VWDE: variants seen among roughly 807,000 people sequenced by gnomAD.
The protein encoded by VWDE is von Willebrand factor D and EGF domains, also known as von Willebrand factor D and EGF domain-containing protein.
A neutral mutation model predicts 178.4 loss-of-function variants in VWDE; 207 were observed. The observed-to-expected ratio is 1.16, with a 90% CI of 1.04 to 1.30. The LOEUF is 1.30. Ranked by LOEUF, VWDE falls within the 50% of genes most tolerant of loss-of-function variation. The probability of loss-of-function intolerance (pLI) is 0.00; values close to 1 mark genes in which losing one functional copy is unlikely to be tolerated. For missense variants in VWDE, 2,287 were observed against 1,901.3 expected (o/e 1.20, Z -3.77); for synonymous variants, 738 against 651.4 (o/e 1.13, Z -2.02).
chr7:12,376,249 T>A (rs1171556978), intron 7 of VWDE, among the ~76,000 whole-genome samples: 1 of 152,026 alleles, frequency 6.6e-6, no homozygotes, highest in Non-Finnish European at 1.5e-5. Context: ...GAGGGGTTGT[T>A]CTCTTTAAGC....
At chr7:12,385,729 A>T (rs747272149) in intron 3 of VWDE, among the ~76,000 whole-genome samples, 1 of 152,230 alleles carries the variant, frequency 6.6e-6, no homozygotes. Flanking sequence ...TCTAAACGGT[A>T]TTCCAAGGCA....
intron 2 of VWDE, among the ~76,000 whole-genome samples, chr7:12,389,849 A>C (rs567764504): frequency 6.6e-6 from 1 of 152,286 alleles, no homozygotes; most frequent in South Asian, 2.1e-4. Context: ...GTGATGGAAA[A>C]ATTGTTTAGT....
At position 12,380,599 on chromosome 7, in the gene VWDE, C is replaced by G. The variant is rs1783797549; in HGVS notation, c.676G>C (p.Ala226Pro). 8 of 1,552,304 alleles carry G rather than the reference C, an allele frequency of 5.2e-6. No individual in the cohort carries two copies. The highest frequency in any genetic ancestry group is 7.0e-6 in the Non-Finnish European group (8 of 1,147,136). Residue 226 changes from alanine to proline, a missense_variant, in exon 5 of 29, where the codon GCT becomes CCT. Ala to Pro is a conservative substitution (Grantham distance 27, BLOSUM62 -1). Transcript: ENST00000275358. ...TCTTGAGAAGAAAGCCTAGACCAAG[C>G]TATGTGAAATCCCACTGAGTTTTTT... is the stretch of plus-strand genomic sequence containing the variant. ...ATKNSVGFHI[A>P]WSRLSSQEVK...
chr7:12,383,412 C>G (rs1013688031), intron 4 of VWDE, 124 bp downstream of exon 4: 3 of 765,232 alleles, frequency 3.9e-6, no homozygotes, highest in Non-Finnish European at 6.3e-6. Context: ...TTTTTGATAG[C>G]TACCAGACTT....
At chr7:12,363,909 A>G (rs1782715044) in intron 13 of VWDE, among the ~76,000 whole-genome samples, 1 of 152,100 alleles carries the variant, frequency 6.6e-6, no homozygotes, top group Non-Finnish European at 1.5e-5. Context: ...AGAGTGGAAA[A>G]TAGTTAATCT....
In VWDE at chr7:12,367,467, C is replaced by A; in HGVS notation, c.2788G>T (p.Gly930Trp). ...TGAACATCACAGAATCCAGCATTCC[C>A]AAGCTCTGTAATTTCAGGAGCTTTG... is the stretch of plus-strand genomic sequence containing the variant. ...YDKAPEITEL[G>W]NAGFCDVQKY... Residue 930 changes from glycine (G) to tryptophan (W), a missense_variant, in exon 13 of 29, where the codon GGG becomes TGG. Coordinates refer to ENST00000275358, the MANE Select transcript of VWDE (RefSeq NM_001135924.3). 1 of 1,529,482 alleles carries A rather than the reference C, an allele frequency of 6.5e-7. No homozygotes were observed. The highest frequency in any genetic ancestry group is 1.3e-5 in the South Asian group (1 of 79,662). The allele number at this position is 1,529,482 out of a possible 1,614,324, so 94.7% of individuals were successfully genotyped here. A position where few individuals can be genotyped will look rare whatever the true frequency, so the allele number is the denominator to read the frequency against.
intron 2 of VWDE, among the ~76,000 whole-genome samples, chr7:12,391,712 ACT>A (rs1486221365): frequency 2.0e-5 from 3 of 152,192 alleles, no homozygotes; most frequent in Admixed American, 6.5e-5. Context: ...AAAATTAAAC[ACT>A]GTTAAAATTT....
intron 19 of VWDE, among the ~76,000 whole-genome samples, chr7:12,345,402 G>A (rs938505138): frequency 1.3e-5 from 2 of 151,950 alleles, no homozygotes; most frequent in African/African-American, 2.4e-5. Context: ...CTCTGCAATT[G>A]ATACCATCTC....
chr7:12,371,296 G>A (rs1783185036), intron 10 of VWDE, among the ~76,000 whole-genome samples: 1 of 152,126 alleles, frequency 6.6e-6, no homozygotes, highest in African/African-American at 2.4e-5. Flanking sequence ...CAGCTAATTA[G>A]CATTCTCTAG....
chr7:12,356,229 G>C lies in VWDE; in HGVS notation c.3627C>G (p.Gly1209=). ...CCACTTCACAAAGGCTGCCATGGAA[G>C]CCAGGCAAGCAGACACACAGGTACA... The part of the protein sequence containing the change: ...SGVYLCVCLP[G]FHGSLCEVDI... The change falls in exon 18 of 29, where the codon GGC becomes GGG. Residue 1209 remains glycine (G), a synonymous_variant. Transcript: ENST00000275358. 2.6e-6 allele frequency: 4 copies of C among 1,551,508 alleles called. No individual in the cohort carries two copies. The highest frequency in any genetic ancestry group is 3.5e-6 in the Non-Finnish European group (4 of 1,146,950).
At chr7:12,385,509 G>C (rs1295406582) in intron 3 of VWDE, among the ~76,000 whole-genome samples, 1 of 152,162 alleles carries the variant, frequency 6.6e-6, no homozygotes. Flanking sequence ...TCTAAATGCA[G>C]ATAAAGAGGC....
At chr7:12,376,653 C>T (rs1040861669) in intron 7 of VWDE, among the ~76,000 whole-genome samples, 4 of 152,062 alleles carry the variant, frequency 2.6e-5, no homozygotes, top group African/African-American at 7.2e-5. Flanking sequence ...TTGCATAATA[C>T]ACTTTTCAGA....
In VWDE at chr7:12,340,269, T is replaced by C. The variant is rs1367439434; in HGVS notation, c.4366+53A>G. On this transcript the variant is annotated intron_variant, in intron 24 of 28. Coordinates refer to ENST00000275358, the MANE Select transcript of VWDE (RefSeq NM_001135924.3). The stretch of plus-strand genomic sequence containing the variant: ...TGTCTCATGTTTACTCAGAGCTCTG[T>C]TGATATCTAACTTTCCATTTGCCCT... The C allele has an allele frequency of 4.4e-6, 6 of 1,351,904 alleles. No individual in the cohort carries two copies. The East Asian group carries it at 1.0e-4, about 23-fold the overall frequency. 83.7% of individuals were successfully genotyped at this position (1,351,904 alleles called of 1,614,324 possible).
At chr7:12,388,473 C>G (rs895508099) in intron 3 of VWDE, among the ~76,000 whole-genome samples, 1 of 152,122 alleles carries the variant, frequency 6.6e-6, no homozygotes, top group South Asian at 2.1e-4. Flanking sequence ...TATTCAAAAT[C>G]TTTTAGGTGA....
In VWDE at chr7:12,369,899, C is replaced by T. The variant is rs143753764; in HGVS notation, c.2407G>A (p.Glu803Lys). 425 of 1,551,426 alleles carry T rather than the reference C, an allele frequency of 2.7e-4. 5 individuals carry two copies. In the African/African-American group the frequency reaches 5.2e-3, roughly 19 times the overall value. ...PSWPTPSGLT[E>K]YSTLTLCQET... ...TGACAGAGGGTCAAGGTGCTATACT[C>T]GGTGAGGCCAGAGGGAGTGGGCCAA... The change falls in exon 12 of 29, where the codon GAG becomes AAG. Residue 803 changes from glutamate (E) to lysine (K), a missense_variant. Transcript: ENST00000275358.
chr7:12,393,159 CA>C (rs1349493725), intron 2 of VWDE, among the ~76,000 whole-genome samples: 5 of 152,234 alleles, frequency 3.3e-5, no homozygotes, highest in African/African-American at 7.2e-5. Flanking sequence ...TAACAACTGA[CA>C]AAAACAAGCA....
intron 27 of VWDE, among the ~76,000 whole-genome samples, chr7:12,335,393 C>T (rs1005951542): frequency 1.3e-5 from 2 of 152,054 alleles, no homozygotes; most frequent in African/African-American, 4.8e-5. Flanking sequence ...TATACTAAAA[C>T]TCTAAAAAAG....
chr7:12,379,822 C>T (rs192611708), intron 5 of VWDE, among the ~76,000 whole-genome samples: 2,445 of 152,090 alleles, frequency 0.016, 56 homozygotes, highest in African/African-American at 0.055. Context: ...AGGCCGGGTG[C>T]GGTGGCTCAC....
chr7:12,356,551 A>G (rs1301724266), intron 17 of VWDE, among the ~76,000 whole-genome samples: 3 of 152,020 alleles, frequency 2.0e-5, no homozygotes, highest in Non-Finnish European at 4.4e-5. Context: ...ACAATATAAT[A>G]CTAAGGATAA....
Sources: gnomAD v4.1 joint callset for allele counts (sites outside exome capture counted in the v4.1 genomes callset) on GRCh38, gnomAD v4.1.1 for gene constraint, MANE v1.5 for transcripts, NCBI Gene and HGNC (gene_info 2026-07-23, HGNC 2026-07-21) for gene names.